Variants in PPP4R4 observed in about 807,000 individuals in gnomAD.
The protein encoded by PPP4R4 is serine/threonine-protein phosphatase 4 regulatory subunit 4.
A neutral mutation model predicts 121.8 loss-of-function variants in PPP4R4; 70 were observed. The ratio of observed to expected loss-of-function variants is 0.57; its 90% CI spans 0.47 to 0.70. PPP4R4 has a LOEUF of 0.70. Ranked by LOEUF, PPP4R4 falls within the 30% of genes least tolerant of loss-of-function variation. The probability of loss-of-function intolerance (pLI) is 0.00; values close to 1 mark genes in which losing one functional copy is unlikely to be tolerated. For missense variants in PPP4R4, 875 were observed against 1,033.6 expected (o/e 0.85, Z 2.10); for synonymous variants, 348 against 355.7 (o/e 0.98, Z 0.24).
In PPP4R4 at chr14:94,241,800, C is replaced by T. The variant is rs1312956891; in HGVS notation, c.989C>T (p.Pro330Leu). Residue 330 changes from proline (P) to leucine (L), a missense_variant, in exon 10 of 25, where the codon CCA (proline) becomes CTA (leucine). Coordinates refer to ENST00000304338, the MANE Select transcript of PPP4R4 (RefSeq NM_058237.2). ...ATATTTGTTTTAGGAATTTTCACTC[C>T]AGATCAGCACTTGAGATTTTTGGAA... ...LCHGLYGIFT[P>L]DQHLRFLEFY... is the part of the protein sequence containing the mutation. 6.4e-7 allele frequency: 1 copy of T among 1,572,076 alleles called. No homozygotes were observed. The highest frequency in any genetic ancestry group is 8.6e-7 in the Non-Finnish European group (1 of 1,166,540).
rs1892581304 is a variant in PPP4R4, at chr14:94,240,659, G to A, written c.854-14G>A. The A allele has an allele frequency of 6.2e-7, 1 of 1,601,804 alleles. No individual in the cohort carries two copies. Among genetic ancestry groups the A allele is most frequent in the African/African-American group, 1.3e-5 (1 of 74,144 alleles). ...CTGAATTTAAAGTATGTATTATTTT[G>A]TTTTGTTTTCCAGATGACAGAAGTC... On this transcript the variant is annotated splice_polypyrimidine_tract_variant and intron_variant, in intron 8 of 24. Coordinates refer to ENST00000304338, the MANE Select transcript of PPP4R4 (RefSeq NM_058237.2).
At chr14:94,204,112 A>T (rs751235334) in intron 2 of PPP4R4, among the ~76,000 whole-genome samples, 21 of 152,164 alleles carry the variant, frequency 1.4e-4, no homozygotes, top group Non-Finnish European at 2.6e-4. Flanking sequence ...GTCTAGCCCT[A>T]GATCTAGAAG....
At chr14:94,234,870 T>A (rs937222738) in intron 7 of PPP4R4, among the ~76,000 whole-genome samples, 4 of 152,234 alleles carry the variant, frequency 2.6e-5, no homozygotes, top group African/African-American at 9.6e-5. Flanking sequence ...TTAGTTATCA[T>A]TCCAGACACC....
chr14:94,203,535 T>G (rs1890304647), intron 2 of PPP4R4, among the ~76,000 whole-genome samples: 1 of 152,206 alleles, frequency 6.6e-6, no homozygotes. Context: ...CCACAAGTTT[T>G]TATGTGAACA....
chr14:94,258,722 A>G, intron 17 of PPP4R4, 61 bp from the exon 18 acceptor site: 1 of 1,254,978 alleles, frequency 8.0e-7, no homozygotes, highest in Non-Finnish European at 1.2e-6. Flanking sequence ...TAAGTTGCTG[A>G]GAAATGATTG....
At chr14:94,234,447 C>T in intron 6 of PPP4R4, 115 bp from the exon 7 acceptor site, 9 of 648,330 alleles carry the variant, frequency 1.4e-5, no homozygotes, top group African/African-American at 3.7e-5. Context: ...TATTTTTTTT[C>T]TATTAAAGTA....
At chr14:94,226,327 C>T (rs1014075388) in intron 3 of PPP4R4, among the ~76,000 whole-genome samples, 2 of 152,124 alleles carry the variant, frequency 1.3e-5, no homozygotes, top group African/African-American at 4.8e-5. Context: ...ATGTGTACCT[C>T]CTCATGAATC....
intron 2 of PPP4R4, among the ~76,000 whole-genome samples, chr14:94,200,984 A>G (rs1191181390): frequency 6.6e-6 from 1 of 152,016 alleles, no homozygotes; most frequent in Admixed American, 6.5e-5. Flanking sequence ...CTCTCCTCTT[A>G]GCACCGCTTT....
intron 3 of PPP4R4, among the ~76,000 whole-genome samples, chr14:94,214,843 A>G (rs1312460118): frequency 1.3e-5 from 2 of 152,222 alleles, no homozygotes; most frequent in Non-Finnish European, 2.9e-5. Flanking sequence ...AAAATTCCCC[A>G]TCTGACCTCA....
At chr14:94,252,486 C>T (rs1893240823) in intron 16 of PPP4R4, among the ~76,000 whole-genome samples, 1 of 152,032 alleles carries the variant, frequency 6.6e-6, no homozygotes, top group African/African-American at 2.4e-5. Context: ...TCCAAAAGAG[C>T]ACATCACTTC....
intron 2 of PPP4R4, among the ~76,000 whole-genome samples, chr14:94,196,799 A>G (rs893962721): frequency 9.2e-5 from 14 of 151,690 alleles, no homozygotes; most frequent in African/African-American, 3.4e-4. Flanking sequence ...GTGTTTTTTC[A>G]TATCTTACAC....
At chr14:94,223,528 T>G (rs1270515562) in intron 3 of PPP4R4, among the ~76,000 whole-genome samples, 2 of 152,136 alleles carry the variant, frequency 1.3e-5, no homozygotes, top group Non-Finnish European at 2.9e-5. Context: ...AGGCTCTCAG[T>G]CCCTCAAGAC....
chr14:94,244,485 ATTTTTATAGAAT>A, intron 11 of PPP4R4, 138 bp from the exon 12 acceptor site: 1 of 610,444 alleles, frequency 1.6e-6, no homozygotes, highest in Non-Finnish European at 2.4e-6. Context: ...TGTGCCACTA[ATTTTTATAGAAT>A]CTAATTTTAT....
At chr14:94,255,494 G>A (rs868294956) in intron 16 of PPP4R4, among the ~76,000 whole-genome samples, 1 of 152,006 alleles carries the variant, frequency 6.6e-6, no homozygotes, top group African/African-American at 2.4e-5. Flanking sequence ...CCAGCTACTC[G>A]GGAGGCTGAG....
rs28573792 is a variant in PPP4R4, at chr14:94,207,024, A to G, written c.192-1440A>G. Reference sequence around the variant, plus strand: ...TGCATCTGTGGTCAAATGGCCATCTATTGTGTTTTATTCTCTGAGTTTTTC... The same window carrying G: ...TGCATCTGTGGTCAAATGGCCATCTGTTGTGTTTTATTCTCTGAGTTTTTC... On this transcript the variant is annotated intron_variant, in intron 2 of 24. Coordinates refer to ENST00000304338, the MANE Select transcript of PPP4R4 (RefSeq NM_058237.2). Among the ~76,000 whole-genome samples the G allele has an allele frequency of 2.0e-3, 305 of 152,008 alleles. 1 individual carries two copies. The highest frequency in any genetic ancestry group is 6.9e-3 in the African/African-American group (288 of 41,510).
chr14:94,261,103 G>A (rs1221118220), intron 19 of PPP4R4, among the ~76,000 whole-genome samples: 7 of 152,042 alleles, frequency 4.6e-5, no homozygotes, highest in African/African-American at 1.7e-4. Context: ...ACACATATGT[G>A]TCTATTTCTT....
chr14:94,271,885 TTTAAAA>T (rs1356398978), intron 23 of PPP4R4, among the ~76,000 whole-genome samples: 1 of 152,098 alleles, frequency 6.6e-6, no homozygotes, highest in Non-Finnish European at 1.5e-5. Flanking sequence ...CAGGTAGGAA[TTTAAAA>T]TTAAAAGCAA....
chr14:94,180,595 CT>C (rs34648844), intron 2 of PPP4R4, among the ~76,000 whole-genome samples: 20,767 of 123,910 alleles, frequency 0.17, 1,336 homozygotes, highest in African/African-American at 0.36. Flanking sequence ...AAGAGCTTTG[CT>C]TTTTTTTTTT....
At chr14:94,265,580 A>G in intron 21 of PPP4R4, 107 bp downstream of exon 21, 1 of 1,015,268 alleles carries the variant, frequency 9.8e-7, no homozygotes, top group Non-Finnish European at 1.5e-6. Flanking sequence ...AATATATCTC[A>G]TTCTAAAGCA....
Sources: allele counts gnomAD v4.1 joint callset (sites outside exome capture counted in the v4.1 genomes callset), GRCh38; gene constraint gnomAD v4.1.1; transcripts MANE v1.5; gene names NCBI Gene and HGNC (gene_info 2026-07-23, HGNC 2026-07-21).